Variants in PDE1C observed in about 807,000 individuals in gnomAD.
PDE1C encodes phosphodiesterase 1C.
In PDE1C, 62 loss-of-function variants were observed where a neutral mutation model predicts 93.1. That is an observed-to-expected ratio of 0.67 (90% CI 0.54 to 0.82). The LOEUF (loss-of-function observed/expected upper bound fraction) is 0.82, where lower values mean the gene tolerates loss of function less well. PDE1C is among the 40% of genes least tolerant of loss of function. The pLI, the probability that PDE1C is intolerant of heterozygous loss-of-function variation, is 0.00. For synonymous variants in PDE1C, 325 were observed against 310.1 expected, an observed-to-expected ratio of 1.05 and a Z score of -0.50; for missense variants, 742 against 884.6, an observed-to-expected ratio of 0.84 and a Z score of 2.04.
intron 16 of PDE1C, chr7:31,789,525 C>T (rs533318935): frequency 1.6e-4 from 72 of 456,490 alleles, no homozygotes; most frequent in African/African-American, 1.4e-3. Context: ...ACAGTACAGT[C>T]ACCAGCTGAA....
chr7:32,349,484 CGT>C (rs903951518), intron 1 of PDE1C, among the ~76,000 whole-genome samples: 1 of 152,184 alleles, frequency 6.6e-6, no homozygotes, highest in Non-Finnish European at 1.5e-5. Context: ...CACTTGGAAA[CGT>C]GTGGGCTAAA....
At position 31,766,148 on chromosome 7, in the gene PDE1C, G is replaced by C. The variant is rs559940406; in HGVS notation, c.1960+9516C>G. On this transcript the variant is annotated intron_variant, in intron 17 of 17. Coordinates refer to ENST00000396191, the MANE Select transcript of PDE1C (RefSeq NM_001191057.4). ...GCCTGTAATCTCAGCACTTTGGGAG[G>C]CTGAGGCAGGCAGATCACGAGGTCA... Among the ~76,000 whole-genome samples, 6 of 152,258 alleles carry C rather than the reference G, an allele frequency of 3.9e-5. No homozygotes were observed. The East Asian group carries it at 1.2e-3, about 29-fold the overall frequency.
chr7:31,856,154 A>G (rs923423079), intron 7 of PDE1C, among the ~76,000 whole-genome samples: 1 of 152,198 alleles, frequency 6.6e-6, no homozygotes, highest in South Asian at 2.1e-4. Context: ...TTGATTCTCT[A>G]CGTGTCTTAC....
At chr7:31,885,509 T>A (rs1027157837) in intron 2 of PDE1C, among the ~76,000 whole-genome samples, 1 of 152,222 alleles carries the variant, frequency 6.6e-6, no homozygotes, top group Non-Finnish European at 1.5e-5. Context: ...GCAAGGCATA[T>A]GATGAGATAC....
Position 32,283,002 on chromosome 7 carries a change from T to C in PDE1C, c.85+15649A>G, listed in dbSNP as rs1221156070. 4.6e-4 allele frequency among the ~76,000 whole-genome samples: 70 copies of C among 151,796 alleles called. 1 individual carries two copies. Among genetic ancestry groups the C allele is most frequent in the Non-Finnish European group, 1.2e-4 (8 of 67,974 alleles). On this transcript the variant is annotated intron_variant, in intron 1 of 18. Transcript: ENST00000396193. ...TGCAAACTGGTAAGACATTGGAGAG[T>C]GGGAGTTGTTTAGAATGTACATTTC...
At chr7:32,294,112 G>A (rs1812496086) in intron 1 of PDE1C, among the ~76,000 whole-genome samples, 1 of 151,950 alleles carries the variant, frequency 6.6e-6, no homozygotes, top group Non-Finnish European at 1.5e-5. Context: ...GCATCCAGGA[G>A]CAAACCTCCT....
At chr7:31,628,277 G>A in the PDE1C span, among the ~76,000 whole-genome samples, 2 of 152,140 alleles carry the variant, frequency 1.3e-5, no homozygotes, top group African/African-American at 2.4e-5. Flanking sequence ...CTGGAGCACA[G>A]GCAGGGCAGA....
rs368368827 is a variant in PDE1C, at chr7:31,770,438, G to A, written c.1960+5226C>T. 5.9e-5 allele frequency among the ~76,000 whole-genome samples: 9 copies of A among 152,224 alleles called. 1 individual carries two copies. Among genetic ancestry groups the A allele is most frequent in the South Asian group, 2.1e-4 (1 of 4,816 alleles). On this transcript the variant is annotated intron_variant, in intron 17 of 17. Coordinates refer to ENST00000396191, the MANE Select transcript of PDE1C (RefSeq NM_001191057.4). The stretch of plus-strand genomic sequence containing the variant: ...CTAATTTTTTCTTGGTTGTTTGCAC[G>A]TTGTTATGTTTAAGAAACCACTGCC...
intron 1 of PDE1C, among the ~76,000 whole-genome samples, chr7:32,392,105 CAA>C (rs1419821491): frequency 6.6e-6 from 1 of 151,846 alleles, no homozygotes; most frequent in African/African-American, 2.4e-5. Flanking sequence ...AAAAAGAAGA[CAA>C]GACTCAGATT....
At chr7:31,655,753 A>C in the PDE1C span, 1 of 985,550 alleles carries the variant, frequency 1.0e-6, no homozygotes, top group South Asian at 4.7e-5. Context: ...TTCCCTTGCT[A>C]AACTCCTAAG....
At chr7:32,130,634 T>C (rs1242181512) in intron 3 of PDE1C, among the ~76,000 whole-genome samples, 1 of 152,042 alleles carries the variant, frequency 6.6e-6, no homozygotes, top group Non-Finnish European at 1.5e-5. Flanking sequence ...TGGTCCATCT[T>C]ACAAACTCTT....
At chr7:32,286,945 C>G (rs988360356) in intron 1 of PDE1C, among the ~76,000 whole-genome samples, 8 of 152,140 alleles carry the variant, frequency 5.3e-5, no homozygotes, top group Admixed American at 5.2e-4. Flanking sequence ...AGCCTCCAGC[C>G]CCCAAGGACC....
chr7:31,974,157 C>T (rs796521259), intron 2 of PDE1C, among the ~76,000 whole-genome samples: 17 of 152,222 alleles, frequency 1.1e-4, no homozygotes, highest in African/African-American at 4.1e-4. Context: ...AGCAGTTAGT[C>T]TCCTTGGCTT....
intron 1 of PDE1C, among the ~76,000 whole-genome samples, chr7:32,333,863 C>T (rs1054276745): frequency 1.3e-5 from 2 of 152,270 alleles, no homozygotes; most frequent in African/African-American, 4.8e-5. Context: ...TGCCTATTTC[C>T]TCCATATTTT....
In PDE1C at chr7:31,837,850, C is replaced by T; in HGVS notation, c.1082+20G>A. 5.7e-6 allele frequency: 9 copies of T among 1,569,612 alleles called. No homozygotes were observed. The highest frequency in any genetic ancestry group is 7.0e-6 in the Non-Finnish European group (8 of 1,140,614). On this transcript the variant is annotated intron_variant, in intron 10 of 17. Transcript: ENST00000396191. Reference sequence around the variant, plus strand: ...TCAAACACCTATACAAACAAAAACACAAGCCACAAGCACACTTACGCTTCT... The same window carrying T: ...TCAAACACCTATACAAACAAAAACATAAGCCACAAGCACACTTACGCTTCT...
chr7:31,721,355 G>A, the PDE1C span, among the ~76,000 whole-genome samples: 1 of 152,192 alleles, frequency 6.6e-6, no homozygotes, highest in Non-Finnish European at 1.5e-5. Context: ...GTCTGTGTTG[G>A]CCAATACGGT....
chr7:32,100,194 T>A (rs1012351281), intron 3 of PDE1C, among the ~76,000 whole-genome samples: 3 of 152,170 alleles, frequency 2.0e-5, no homozygotes, highest in African/African-American at 7.2e-5. Context: ...GAGGGAAGAA[T>A]GAAGGAAATC....
chr7:31,712,718 A>C, the PDE1C span, among the ~76,000 whole-genome samples: 2 of 152,206 alleles, frequency 1.3e-5, no homozygotes, highest in African/African-American at 4.8e-5. Flanking sequence ...ATGGACTTAC[A>C]GTTCCACATG....
At chr7:31,863,013 A>G (rs1258888645) in intron 7 of PDE1C, among the ~76,000 whole-genome samples, 1 of 152,190 alleles carries the variant, frequency 6.6e-6, no homozygotes, top group Non-Finnish European at 1.5e-5. Context: ...CATGTTTCAT[A>G]TTAAAATCCT....
Sources: allele counts gnomAD v4.1 joint callset (sites outside exome capture counted in the v4.1 genomes callset), GRCh38; gene constraint gnomAD v4.1.1; transcripts MANE v1.5; gene names NCBI Gene and HGNC (gene_info 2026-07-23, HGNC 2026-07-21).